PROCR: variants seen among roughly 807,000 people sequenced by gnomAD.
PROCR encodes endothelial protein C receptor.
A neutral mutation model predicts 24.2 loss-of-function variants in PROCR; 22 were observed. The ratio of observed to expected loss-of-function variants is 0.91; its 90% CI spans 0.65 to 1.30. PROCR has a LOEUF of 1.30. PROCR is among the 50% of genes most tolerant of loss of function. The probability of loss-of-function intolerance (pLI) is 0.00; values close to 1 mark genes in which losing one functional copy is unlikely to be tolerated. For synonymous variants in PROCR, 137 were observed against 139.2 expected (o/e 0.98, Z 0.11); for missense variants, 288 against 307.7 (o/e 0.94, Z 0.48).
downstream of PROCR, among the ~76,000 whole-genome samples, chr20:35,181,263 T>TTTTAA (rs1159791409): frequency 1.7e-3 from 167 of 97,626 alleles, 1 homozygote; most frequent in African/African-American, 6.9e-3. Context: ...TCTAATTTAA[T>TTTTAA]TTTAATTTAA....
intron 1 of PROCR, among the ~76,000 whole-genome samples, chr20:35,215,121 G>T (rs2060377174): frequency 6.6e-6 from 1 of 152,034 alleles, no homozygotes; most frequent in African/African-American, 2.4e-5. Flanking sequence ...TGTTGGTCAG[G>T]CTGGTCTCAA....
intron 1 of PROCR, among the ~76,000 whole-genome samples, chr20:35,200,249 A>G (rs896346654): frequency 2.6e-5 from 4 of 152,242 alleles, no homozygotes; most frequent in African/African-American, 9.6e-5. Context: ...ATTGACTCCA[A>G]TTTTGAAAGA....
At chr20:35,190,837 A>G (rs758862483) in intron 1 of PROCR, among the ~76,000 whole-genome samples, 14 of 152,118 alleles carry the variant, frequency 9.2e-5, no homozygotes, top group Admixed American at 4.6e-4. Context: ...CATATGTTCA[A>G]AGATGATGGT....
intron 1 of PROCR, among the ~76,000 whole-genome samples, chr20:35,208,402 C>G (rs975566153): frequency 6.6e-6 from 1 of 152,170 alleles, no homozygotes; most frequent in Non-Finnish European, 1.5e-5. Flanking sequence ...TCCTGTTTGT[C>G]CTGCAGTGAA....
chr20:35,186,786 A>G lies in PROCR; in HGVS notation c.94+10340A>G, dbSNP rs529328590. On this transcript the variant is annotated intron_variant, in intron 1 of 1. Coordinates refer to the PROCR transcript ENST00000634509. Reference sequence around the variant, plus strand: ...ACATGGTGAAACCCTGTCTCTACTAAAAAAAAAAGTACAAAAAAGAGCTGG... The same window carrying G: ...ACATGGTGAAACCCTGTCTCTACTAGAAAAAAAAGTACAAAAAAGAGCTGG... Among the ~76,000 whole-genome samples, 19 of 148,432 alleles carry G rather than the reference A, an allele frequency of 1.3e-4. No individual in the cohort carries two copies. In the South Asian group the frequency reaches 2.8e-3, roughly 22 times the overall value.
chr20:35,201,677 G>A (rs1278068595), intron 1 of PROCR: 1 of 132,738 alleles, frequency 7.5e-6, no homozygotes, highest in Admixed American at 8.4e-5. Context: ...GGCAGAGCAA[G>A]ATTCCATTTC....
At chr20:35,202,082 C>T (rs1437585445) in intron 1 of PROCR, 5 of 152,122 alleles carry the variant, frequency 3.3e-5, no homozygotes, top group African/African-American at 1.2e-4. Context: ...TTACAAAAAA[C>T]ACTCTACCCA....
intron 1 of PROCR, among the ~76,000 whole-genome samples, chr20:35,200,175 G>A (rs751213184): frequency 6.6e-6 from 1 of 152,206 alleles, no homozygotes; most frequent in African/African-American, 2.4e-5. Flanking sequence ...CTGTTGAAAT[G>A]ACAACAAAGG....
intron 1 of PROCR, among the ~76,000 whole-genome samples, chr20:35,206,031 A>T (rs1355449753): frequency 1.3e-5 from 2 of 150,764 alleles, no homozygotes; most frequent in South Asian, 2.1e-4. Flanking sequence ...ATTTTTAAAA[A>T]ATTTTATTTT....
intron 1 of PROCR, among the ~76,000 whole-genome samples, chr20:35,201,546 G>A (rs2060318199): frequency 6.6e-6 from 1 of 151,856 alleles, no homozygotes; most frequent in African/African-American, 2.4e-5. Context: ...AAATTAGCCG[G>A]GCAAGGTGGT....
chr20:35,200,474 C>T (rs749787248), intron 1 of PROCR, among the ~76,000 whole-genome samples: 4 of 152,008 alleles, frequency 2.6e-5, no homozygotes, highest in Non-Finnish European at 4.4e-5. Context: ...TATGACTCAC[C>T]GAAGGCTCTG....
chr20:35,174,970 C>T lies in PROCR; in HGVS notation c.322+17C>T, dbSNP rs933145874. On this transcript the variant is annotated intron_variant, in intron 2 of 3. Coordinates refer to ENST00000216968, the MANE Select transcript of PROCR (RefSeq NM_006404.5). ...CCTTGGCCTGTGAGTAGGCGCGCAG[C>T]GGGGGCGGGGTCTGGGCGGGGCTAG... 2.0e-5 allele frequency: 4 copies of T among 199,390 alleles called. No individual in the cohort carries two copies. The highest frequency in any genetic ancestry group is 7.7e-5 in the South Asian group (1 of 13,064). 12.4% of individuals were successfully genotyped at this position (199,390 alleles called of 1,614,324 possible).
intron 1 of PROCR, among the ~76,000 whole-genome samples, chr20:35,200,943 C>T (rs370405806): frequency 2.6e-5 from 4 of 152,082 alleles, no homozygotes; most frequent in African/African-American, 7.2e-5. Flanking sequence ...CCACTGCACC[C>T]GGCCTTAAAC....
downstream of PROCR, among the ~76,000 whole-genome samples, chr20:35,180,265 C>A (rs6088752): frequency 1.7e-5 from 1 of 57,416 alleles, no homozygotes; most frequent in Non-Finnish European, 3.4e-5. Flanking sequence ...TAAATAAATA[C>A]ATAAATAAGA....
Position 35,176,237 on chromosome 20 carries a change from T to A in PROCR, c.392T>A (p.Phe131Tyr). The A allele has an allele frequency of 1.9e-6, 3 of 1,614,142 alleles. No individual in the cohort carries two copies. Among genetic ancestry groups the A allele is most frequent in the Middle Eastern group, 1.6e-4 (1 of 6,062 alleles). Residue 131 changes from phenylalanine (F) to tyrosine (Y), a missense_variant, in exon 3 of 4, where the codon TTC becomes TAC. Transcript: ENST00000216968. The part of the protein sequence containing the change: ...PPEGSRAHVF[F>Y]EVAVNGSSFV... ...GAGGGCTCTAGAGCCCATGTCTTCTTCGAAGTGGCTGTGAATGGGAGCTCC... is the reference window on the plus strand; with the variant it reads ...GAGGGCTCTAGAGCCCATGTCTTCTACGAAGTGGCTGTGAATGGGAGCTCC...
chr20:35,205,481 G>A (rs943431237), intron 1 of PROCR, among the ~76,000 whole-genome samples: 3 of 149,476 alleles, frequency 2.0e-5, no homozygotes, highest in Non-Finnish European at 3.0e-5. Flanking sequence ...GCCGGGCGCA[G>A]TGGCTCACAC....
chr20:35,178,043 T>C (rs552234701), downstream of PROCR, among the ~76,000 whole-genome samples: 1 of 152,150 alleles, frequency 6.6e-6, no homozygotes, highest in African/African-American at 2.4e-5. Context: ...CTACTGACCT[T>C]CATGGCTGCA....
chr20:35,213,288 G>C (rs945989034), intron 1 of PROCR, among the ~76,000 whole-genome samples: 1 of 151,844 alleles, frequency 6.6e-6, no homozygotes, highest in African/African-American at 2.4e-5. Flanking sequence ...AGTTAAGATC[G>C]TGCCACTGCA....
intron 1 of PROCR, chr20:35,203,166 C>T (rs1050762988): frequency 8.5e-5 from 13 of 152,116 alleles, no homozygotes; most frequent in Admixed American, 5.9e-4. Flanking sequence ...ATCCCAGCTA[C>T]TCGGGAGGCT....
Sources: allele counts gnomAD v4.1 joint callset (sites outside exome capture counted in the v4.1 genomes callset), GRCh38; gene constraint gnomAD v4.1.1; transcripts MANE v1.5; gene names NCBI Gene and HGNC (gene_info 2026-07-23, HGNC 2026-07-21).